QSER1: variants seen among roughly 807,000 people sequenced by gnomAD.
The protein encoded by QSER1 is glutamine and serine-rich protein 1.
QSER1 carries 49 observed loss-of-function variants against 158.5 expected under a neutral mutation model. The ratio of observed to expected loss-of-function variants is 0.31; its 90% confidence interval spans 0.25 to 0.39. The LOEUF (loss-of-function observed/expected upper bound fraction) is 0.39. QSER1 is among the 10% of genes least tolerant of loss of function. The probability of loss-of-function intolerance (pLI) is 1.00; values close to 1 mark genes in which losing one functional copy is unlikely to be tolerated. For missense variants in QSER1, 1,754 were observed against 2,010.3 expected (o/e 0.87, Z 2.44); for synonymous variants, 650 against 715.5 (o/e 0.91, Z 1.46).
chr11:32,898,160 C>G (rs943780616), intron 1 of QSER1, among the ~76,000 whole-genome samples: 1 of 152,176 alleles, frequency 6.6e-6, no homozygotes, highest in Admixed American at 6.5e-5. Context: ...CATGGCTACT[C>G]CTACATATTA....
At position 32,932,265 on chromosome 11, in the gene QSER1, G is replaced by C; in HGVS notation, c.1007G>C (p.Gly336Ala). 1 of 1,614,030 alleles carries C rather than the reference G, an allele frequency of 6.2e-7. No individual in the cohort carries two copies. Among genetic ancestry groups the C allele is most frequent in the Non-Finnish European group, 8.5e-7 (1 of 1,180,026 alleles). ...CAGTCAATTCAGGCACAACTGACTG[G>C]TTCACAGCACTCCTTACATAGTTAT... is the stretch of plus-strand genomic sequence containing the variant. ...GTQSIQAQLT[G>A]SQHSLHSYLS... Residue 336 changes from glycine (G) to alanine (A), a missense_variant, in exon 4 of 13, where the codon GGT (glycine) becomes GCT (alanine). Transcript: ENST00000650167.
At position 32,893,272 on chromosome 11, in the gene QSER1, C is replaced by G. The variant is rs1300705950; in HGVS notation, c.147C>G (p.Ala49=). The G allele has an allele frequency of 6.5e-6, 1 of 153,544 alleles. No homozygotes were observed. Among genetic ancestry groups the G allele is most frequent in the Non-Finnish European group, 1.5e-5 (1 of 68,816 alleles). 9.5% of individuals were successfully genotyped at this position (153,544 alleles called of 1,614,324 possible). The change falls in exon 1 of 13, where the codon GCC becomes GCG. Residue 49 remains alanine, a synonymous_variant. Coordinates refer to ENST00000650167, the MANE Select transcript of QSER1 (RefSeq NM_001076786.3). The surrounding 1 kb of genome is among the most constrained non-coding windows in gnomAD (Gnocchi z 4.7). Reference sequence around the variant, plus strand: ...ACGAACCCCGAGCCGCCGCCGCCGCCGCCAGCAGCAGCTGCAGCAGTGGCA... The same window carrying G: ...ACGAACCCCGAGCCGCCGCCGCCGCGGCCAGCAGCAGCTGCAGCAGTGGCA... ...WAYEPRAAAA[A]ASSSCSSGSC...
intron 8 of QSER1, among the ~76,000 whole-genome samples, chr11:32,958,906 A>T (rs1852572597): frequency 6.6e-6 from 1 of 152,218 alleles, no homozygotes; most frequent in Non-Finnish European, 1.5e-5. Context: ...AAAGGTTGAA[A>T]TAATTTGTTA....
At chr11:32,938,668 G>C (rs1409955795) in intron 4 of QSER1, among the ~76,000 whole-genome samples, 1 of 152,134 alleles carries the variant, frequency 6.6e-6, no homozygotes, top group Non-Finnish European at 1.5e-5. Context: ...GATGTCTTTA[G>C]TTGCACCTGT....
chr11:32,939,421 T>G (rs1312561818), intron 4 of QSER1, among the ~76,000 whole-genome samples: 1 of 140,964 alleles, frequency 7.1e-6, no homozygotes, highest in African/African-American at 3.2e-5. Context: ...TGGGTTTTAA[T>G]TTTTTTTTAA....
At chr11:32,925,538 A>ATTTT (rs869289765) in intron 1 of QSER1, among the ~76,000 whole-genome samples, 2 of 140,884 alleles carry the variant, frequency 1.4e-5, no homozygotes, top group African/African-American at 2.7e-5. Flanking sequence ...TTATTTATTT[A>ATTTT]TTTTTTGCAG....
In QSER1 at chr11:32,973,521, C is replaced by A; in HGVS notation, c.5330C>A (p.Thr1777Asn). The A allele has an allele frequency of 6.2e-7, 1 of 1,609,570 alleles. No individual in the cohort carries two copies. Among genetic ancestry groups the A allele is most frequent in the Non-Finnish European group, 8.5e-7 (1 of 1,178,760 alleles). The change falls in exon 11 of 13, where the codon ACT (threonine) becomes AAT (asparagine). Residue 1777 changes from threonine (T) to asparagine (N), a missense_variant. Coordinates refer to ENST00000650167, the MANE Select transcript of QSER1 (RefSeq NM_001076786.3). Reference protein sequence around the residue: ...GKAYNKKTLRTSKTTTKSAQE... With the variant: ...GKAYNKKTLRNSKTTTKSAQE... ...GCCTATAATAAGAAAACTCTAAGGA[C>A]TTCTAAAACAACCACCAAATCTGCA...
chr11:32,974,000 A>G (rs1421778468), intron 11 of QSER1, among the ~76,000 whole-genome samples: 1 of 152,244 alleles, frequency 6.6e-6, no homozygotes, highest in Non-Finnish European at 1.5e-5. Context: ...ACATTCCATA[A>G]AAAGATGAAA....
At position 32,955,383 on chromosome 11, in the gene QSER1, G is replaced by T. The variant is rs199820872; in HGVS notation, c.4588G>T (p.Gly1530Cys). ...GAAATTTGTTCCTGAAATTCGAGAT[G>T]GTCAAAGAGAATTTGCTGCTACAAA... is the stretch of plus-strand genomic sequence containing the variant. Reference protein sequence around the residue: ...LQKFVPEIRDGQREFAATNSY... With the variant: ...LQKFVPEIRDCQREFAATNSY... The change falls in exon 6 of 13, where the codon GGT becomes TGT. Residue 1530 changes from glycine to cysteine, a missense_variant. Physicochemically the swap from Gly to Cys is radical, Grantham distance 159. This residue lies in a region of QSER1 where 1,707 missense variants were observed against 1,919.6 expected (regional missense o/e 0.89). Coordinates refer to ENST00000650167, the MANE Select transcript of QSER1 (RefSeq NM_001076786.3). The T allele has an allele frequency of 2.7e-4, 432 of 1,591,582 alleles. 2 individuals are homozygous for T. The African/African-American group carries it at 5.4e-3, about 20-fold the overall frequency.
Position 32,932,646 on chromosome 11 carries a change from G to A in QSER1, c.1388G>A (p.Ser463Asn). ...AQIYSTAQLP[S>N]LLSVSQSQNY... ...ATTTATTCTACAGCGCAGCTACCAAGCCTTTTATCAGTTAGTCAGTCCCAA... is the reference window on the plus strand; with the variant it reads ...ATTTATTCTACAGCGCAGCTACCAAACCTTTTATCAGTTAGTCAGTCCCAA... Residue 463 changes from serine to asparagine, a missense_variant, in exon 4 of 13, where the codon AGC becomes AAC. This residue lies in a region of QSER1 where 1,707 missense variants were observed against 1,919.6 expected (regional missense o/e 0.89). Coordinates refer to ENST00000650167, the MANE Select transcript of QSER1 (RefSeq NM_001076786.3). 6.2e-7 allele frequency: 1 copy of A among 1,614,076 alleles called. No individual in the cohort carries two copies. The highest frequency in any genetic ancestry group is 2.2e-5 in the East Asian group (1 of 44,880).
intron 1 of QSER1, among the ~76,000 whole-genome samples, chr11:32,901,937 G>T (rs1006134288): frequency 6.6e-6 from 1 of 152,182 alleles, no homozygotes; most frequent in Non-Finnish European, 1.5e-5. Flanking sequence ...ACAAAAATTA[G>T]CCTGGCATGG....
At chr11:32,966,193 T>C in intron 8 of QSER1, 107 bp from the exon 9 acceptor site, 1 of 1,253,224 alleles carries the variant, frequency 8.0e-7, no homozygotes, top group South Asian at 1.5e-5. Flanking sequence ...GTCTTGAATT[T>C]GAAGAAATTG....
chr11:32,938,953 T>C (rs923177835), intron 4 of QSER1, among the ~76,000 whole-genome samples: 2 of 152,148 alleles, frequency 1.3e-5, no homozygotes, highest in African/African-American at 4.8e-5. Flanking sequence ...AAAAGACCAA[T>C]GGAGTATAAA....
At chr11:32,971,684 A>G (rs982809838) in intron 10 of QSER1, among the ~76,000 whole-genome samples, 1 of 152,230 alleles carries the variant, frequency 6.6e-6, no homozygotes, top group East Asian at 1.9e-4. Context: ...AGAAAATGCC[A>G]AAAGTGTTAT....
At chr11:32,908,154 A>T (rs1293804532) in intron 1 of QSER1, among the ~76,000 whole-genome samples, 1 of 152,176 alleles carries the variant, frequency 6.6e-6, no homozygotes, top group African/African-American at 2.4e-5. Flanking sequence ...TAAGGGGAAA[A>T]CTTGGGACCA....
At chr11:32,940,661 A>AT (rs1852216574) in intron 4 of QSER1, among the ~76,000 whole-genome samples, 1 of 152,148 alleles carries the variant, frequency 6.6e-6, no homozygotes, top group African/African-American at 2.4e-5. Flanking sequence ...GTCTAGGTCA[A>AT]TTTAAGAAAG....
Position 32,977,907 on chromosome 11 carries a change from A to C in QSER1, c.*1433A>C, listed in dbSNP as rs1853004958. 1 of 152,610 alleles carries C rather than the reference A, an allele frequency of 6.6e-6. No individual in the cohort carries two copies. The highest frequency in any genetic ancestry group is 1.5e-5 in the Non-Finnish European group (1 of 68,028). The allele number at this position is 152,610 out of a possible 1,614,324, so 9.5% of individuals were successfully genotyped here. On this transcript the variant is annotated 3_prime_UTR_variant, in exon 13 of 13. Transcript: ENST00000650167. ...AAGCAGTGTTACTGCTCAATGCCCA[A>C]ATAAGACACGCGGATATTGCTATTG...
At chr11:32,963,837 T>TA (rs1183991250) in intron 8 of QSER1, among the ~76,000 whole-genome samples, 1 of 151,506 alleles carries the variant, frequency 6.6e-6, no homozygotes, top group East Asian at 2.0e-4. Context: ...CAGCTAATTT[T>TA]AAAGTTTTTT....
At chr11:32,968,126 T>G (rs1369950954) in intron 9 of QSER1, among the ~76,000 whole-genome samples, 2 of 152,154 alleles carry the variant, frequency 1.3e-5, no homozygotes, top group African/African-American at 4.8e-5. Context: ...GGGAGAAAAT[T>G]TTTTAAGATT....
Sources: allele counts gnomAD v4.1 joint callset (sites outside exome capture counted in the v4.1 genomes callset), GRCh38; gene constraint gnomAD v4.1.1; regional missense constraint gnomAD v4.1.1; non-coding constraint Gnocchi (gnomAD v3.1); transcripts MANE v1.5; gene names NCBI Gene and HGNC (gene_info 2026-07-23, HGNC 2026-07-21).